MLLT3: variants seen among roughly 807,000 people sequenced by gnomAD.
MLLT3 encodes protein AF-9.
MLLT3 carries 4 observed loss-of-function variants against 53.2 expected under a neutral mutation model. That is an observed-to-expected ratio of 0.08 (90% CI 0.04 to 0.17). MLLT3 has a LOEUF of 0.17. Ranked by LOEUF, MLLT3 falls within the 10% of genes least tolerant of loss-of-function variation. The pLI is 1.00. For synonymous variants in MLLT3, 283 were observed against 230.6 expected, an observed-to-expected ratio of 1.23 and a Z score of -2.06; for missense variants, 569 against 684.0, an observed-to-expected ratio of 0.83 and a Z score of 1.87.
intron 2 of MLLT3, among the ~76,000 whole-genome samples, chr9:20,554,636 C>T (rs1174800374): frequency 6.6e-6 from 1 of 152,174 alleles, no homozygotes; most frequent in Non-Finnish European, 1.5e-5. Context: ...TAACTGACTT[C>T]ACTTACCTCT....
intron 4 of MLLT3, among the ~76,000 whole-genome samples, chr9:20,423,874 G>A (rs1169184259): frequency 1.3e-5 from 2 of 151,910 alleles, no homozygotes; most frequent in Non-Finnish European, 2.9e-5. Flanking sequence ...GAGGCAGGAG[G>A]ATCACTTGTG....
chr9:20,570,227 T>A (rs1025404989), intron 2 of MLLT3, among the ~76,000 whole-genome samples: 4 of 152,140 alleles, frequency 2.6e-5, no homozygotes, highest in African/African-American at 9.7e-5. Context: ...AAAAACTGCA[T>A]GAGCAGCCAG....
chr9:20,503,674 C>A (rs1191794125), intron 2 of MLLT3, among the ~76,000 whole-genome samples: 1 of 151,526 alleles, frequency 6.6e-6, no homozygotes, highest in Non-Finnish European at 1.5e-5. Flanking sequence ...CACAGGCAAC[C>A]AAAAACAAAA....
At chr9:20,455,149 A>G (rs1192729275) in intron 3 of MLLT3, among the ~76,000 whole-genome samples, 5 of 152,250 alleles carry the variant, frequency 3.3e-5, no homozygotes, top group African/African-American at 4.8e-5. Context: ...GTCAACAGAC[A>G]TAAATACATC....
rs563969386 is a variant in MLLT3, at chr9:20,418,771, A to G, written c.421-4346T>C. ...AACTGGGACGACAGGTGCACGTGCCACCATACCCAGCTTCCAGGAGAGTTT... is the reference window on the plus strand; with the variant it reads ...AACTGGGACGACAGGTGCACGTGCCGCCATACCCAGCTTCCAGGAGAGTTT... On this transcript the variant is annotated intron_variant, in intron 4 of 10. Coordinates refer to ENST00000380338, the MANE Select transcript of MLLT3 (RefSeq NM_004529.4). Among the ~76,000 whole-genome samples, 12 of 152,180 alleles carry G rather than the reference A, an allele frequency of 7.9e-5. No homozygotes were observed. The South Asian group carries it at 1.7e-3, about 21-fold the overall frequency.
intron 2 of MLLT3, among the ~76,000 whole-genome samples, chr9:20,615,248 AATGGCTTGAGACCAGGAGATGGGAGG>A (rs1209125303): frequency 1.3e-5 from 2 of 151,878 alleles, no homozygotes; most frequent in East Asian, 3.9e-4. Flanking sequence ...CTGTTTGGGA[AATGGCTTGAGACCAGGAGATGGGAGG>A]ATGGCTTGAG....
intron 4 of MLLT3, among the ~76,000 whole-genome samples, chr9:20,419,883 T>C (rs1409846885): frequency 2.6e-5 from 4 of 152,102 alleles, no homozygotes; most frequent in African/African-American, 9.7e-5. Flanking sequence ...TTGCACAATA[T>C]ACAGATTTAA....
In MLLT3 at chr9:20,345,448, T is replaced by G. The variant is rs886827292; in HGVS notation, c.*995A>C. ...CTCTGACTAATAAATAGATCCAAATTAAGAATTTCTACAACAGTTTTTTTT... is the reference window on the plus strand; with the variant it reads ...CTCTGACTAATAAATAGATCCAAATGAAGAATTTCTACAACAGTTTTTTTT... On this transcript the variant is annotated 3_prime_UTR_variant, in exon 11 of 11. Coordinates refer to ENST00000380338, the MANE Select transcript of MLLT3 (RefSeq NM_004529.4). 9.9e-6 allele frequency: 2 copies of G among 201,166 alleles called. No homozygotes were observed. Among genetic ancestry groups the G allele is most frequent in the African/African-American group, 5.1e-5 (2 of 39,514 alleles). The allele number at this position is 201,166 out of a possible 1,614,324, so 12.5% of individuals were successfully genotyped here. A position where few individuals can be genotyped will look rare whatever the true frequency, so the allele number is the denominator to read the frequency against.
At chr9:20,569,522 T>G (rs1259688405) in intron 2 of MLLT3, among the ~76,000 whole-genome samples, 1 of 152,134 alleles carries the variant, frequency 6.6e-6, no homozygotes. Context: ...TTTCAAAGTC[T>G]CAGAGCTGTT....
intron 2 of MLLT3, among the ~76,000 whole-genome samples, chr9:20,482,809 C>A (rs1824697838): frequency 6.6e-6 from 1 of 152,120 alleles, no homozygotes; most frequent in African/African-American, 2.4e-5. Context: ...AAATCTCTCC[C>A]ATTAGAGGGA....
chr9:20,383,649 A>G (rs1821959115), intron 5 of MLLT3, among the ~76,000 whole-genome samples: 1 of 151,966 alleles, frequency 6.6e-6, no homozygotes, highest in Non-Finnish European at 1.5e-5. Flanking sequence ...ATAGGAATAA[A>G]TATAAAATTA....
chr9:20,424,287 T>A (rs1431616580), intron 4 of MLLT3, among the ~76,000 whole-genome samples: 1 of 152,202 alleles, frequency 6.6e-6, no homozygotes, highest in African/African-American at 2.4e-5. Flanking sequence ...TTTAAGTTGA[T>A]AAACTTATTA....
intron 4 of MLLT3, among the ~76,000 whole-genome samples, chr9:20,427,086 G>A (rs1017104590): frequency 4.6e-5 from 7 of 151,978 alleles, no homozygotes; most frequent in African/African-American, 1.7e-4. Flanking sequence ...ATACGAATTC[G>A]CGATTTAAAA....
intron 4 of MLLT3, among the ~76,000 whole-genome samples, chr9:20,439,205 A>T (rs778915701): frequency 6.6e-6 from 1 of 151,992 alleles, no homozygotes; most frequent in Non-Finnish European, 1.5e-5. Context: ...AAAATACAAA[A>T]ATCAGCTGGA....
chr9:20,470,903 A>C (rs1368458860), intron 2 of MLLT3, among the ~76,000 whole-genome samples: 1 of 152,010 alleles, frequency 6.6e-6, no homozygotes, highest in African/African-American at 2.4e-5. Context: ...TTTCTTTCCT[A>C]CTTGCAACAA....
chr9:20,601,221 C>G (rs1464931207), intron 2 of MLLT3, among the ~76,000 whole-genome samples: 1 of 152,152 alleles, frequency 6.6e-6, no homozygotes, highest in Non-Finnish European at 1.5e-5. Flanking sequence ...TCAGAATATT[C>G]TCCAGGTGAG....
At chr9:20,413,325 T>C (rs574871437) in intron 5 of MLLT3, among the ~76,000 whole-genome samples, 19 of 152,318 alleles carry the variant, frequency 1.2e-4, no homozygotes, top group African/African-American at 4.1e-4. Flanking sequence ...ATAGCCCTAA[T>C]ATTTTCTAAG....
chr9:20,614,221 C>T (rs1441539603), intron 2 of MLLT3, among the ~76,000 whole-genome samples: 1 of 152,130 alleles, frequency 6.6e-6, no homozygotes, highest in Admixed American at 6.6e-5. Context: ...ATGGTGAAAC[C>T]CTGTCTCTAC....
chr9:20,397,324 C>T (rs1822346238), intron 5 of MLLT3, among the ~76,000 whole-genome samples: 1 of 152,082 alleles, frequency 6.6e-6, no homozygotes, highest in Non-Finnish European at 1.5e-5. Flanking sequence ...ACAACTGATA[C>T]ATATCTTTGG....
Sources: gnomAD v4.1 joint callset for allele counts (sites outside exome capture counted in the v4.1 genomes callset) on GRCh38, gnomAD v4.1.1 for gene constraint, MANE v1.5 for transcripts, NCBI Gene and HGNC (gene_info 2026-07-23, HGNC 2026-07-21) for gene names.